DGKI: variants seen among roughly 807,000 people sequenced by gnomAD.
The protein encoded by DGKI is DAG kinase iota.
Under a neutral mutation model 147.5 loss-of-function variants are expected in DGKI, and 55 were observed. The ratio of observed to expected loss-of-function variants is 0.37; its 90% CI spans 0.30 to 0.47. DGKI has a LOEUF of 0.47. Ranked by LOEUF, DGKI falls within the 20% of genes least tolerant of loss-of-function variation. DGKI has a pLI of 1.00. For synonymous variants in DGKI, 469 were observed against 477.1 expected, an observed-to-expected ratio of 0.98 and a Z score of 0.22; for missense variants, 1,007 against 1,323.8, an observed-to-expected ratio of 0.76 and a Z score of 3.71.
chr7:137,400,692 G>C (rs1811721103), intron 30 of DGKI, among the ~76,000 whole-genome samples: 1 of 152,164 alleles, frequency 6.6e-6, no homozygotes, highest in African/African-American at 2.4e-5. Context: ...GCAGCTGACA[G>C]AGGTGAGAGG....
At chr7:137,670,866 G>A (rs1245431650) in intron 3 of DGKI, among the ~76,000 whole-genome samples, 1 of 152,206 alleles carries the variant, frequency 6.6e-6, no homozygotes, top group Non-Finnish European at 1.5e-5. Context: ...TGACAGAGCA[G>A]GAGCAACATG....
intron 21 of DGKI, among the ~76,000 whole-genome samples, chr7:137,502,000 A>C (rs532284916): frequency 3.9e-5 from 6 of 152,284 alleles, no homozygotes; most frequent in Non-Finnish European, 8.8e-5. Context: ...GTTTGCCTGC[A>C]CAAGCCCTCT....
At chr7:137,806,098 G>A (rs957310114) in intron 1 of DGKI, among the ~76,000 whole-genome samples, 8 of 152,142 alleles carry the variant, frequency 5.3e-5, no homozygotes, top group Non-Finnish European at 8.8e-5. Context: ...TCCACTCACC[G>A]TGCCCATCCT....
intron 2 of DGKI, among the ~76,000 whole-genome samples, chr7:137,679,534 G>A (rs968090072): frequency 1.3e-5 from 2 of 151,954 alleles, no homozygotes; most frequent in Admixed American, 6.6e-5. Context: ...GCTCTGAGCT[G>A]TTAGGGAAAG....
chr7:137,453,009 C>T (rs1383219558), intron 27 of DGKI: 3 of 152,342 alleles, frequency 2.0e-5, no homozygotes, highest in East Asian at 3.9e-4. Context: ...CGAATGAAAA[C>T]CGATTTCCCA....
At chr7:137,562,333 C>A (rs994192783) in intron 19 of DGKI, among the ~76,000 whole-genome samples, 3 of 152,066 alleles carry the variant, frequency 2.0e-5, no homozygotes, top group Non-Finnish European at 4.4e-5. Flanking sequence ...GTCAGGAGTT[C>A]GAGACCAGCC....
At chr7:137,471,393 G>A (rs946551921) in intron 23 of DGKI, among the ~76,000 whole-genome samples, 5 of 152,162 alleles carry the variant, frequency 3.3e-5, no homozygotes, top group African/African-American at 1.2e-4. Context: ...GAATAACATA[G>A]AAGAAGTAAT....
intron 6 of DGKI, among the ~76,000 whole-genome samples, chr7:137,630,568 G>A (rs576462093): frequency 6.6e-6 from 1 of 152,188 alleles, no homozygotes; most frequent in Admixed American, 6.5e-5. Flanking sequence ...CTTCATTTCA[G>A]AAGCAGATGC....
At chr7:137,722,970 C>G (rs1794613012) in intron 1 of DGKI, 5 of 567,606 alleles carry the variant, frequency 8.8e-6, no homozygotes, top group Non-Finnish European at 1.5e-5. Flanking sequence ...AGTTACCTAT[C>G]CTGAGATAAA....
intron 1 of DGKI, among the ~76,000 whole-genome samples, chr7:137,764,323 C>A (rs769430307): frequency 7.9e-5 from 12 of 152,166 alleles, no homozygotes; most frequent in Non-Finnish European, 1.2e-4. Flanking sequence ...TCAGAAGGAA[C>A]TTTTACATTG....
chr7:137,408,291 C>T (rs1812035984), intron 29 of DGKI, among the ~76,000 whole-genome samples: 2 of 152,194 alleles, frequency 1.3e-5, no homozygotes, highest in South Asian at 4.1e-4. Flanking sequence ...TATGGTCTCT[C>T]TCTCGAAGGA....
chr7:137,617,123 CCA>C (rs1491188078), intron 8 of DGKI, among the ~76,000 whole-genome samples: 1 of 58,442 alleles, frequency 1.7e-5, no homozygotes. Context: ...ATCCCTTTTA[CCA>C]AAAAAAAAAA....
intron 1 of DGKI, among the ~76,000 whole-genome samples, chr7:137,781,530 G>A (rs1796518543): frequency 6.6e-6 from 1 of 152,160 alleles, no homozygotes; most frequent in Non-Finnish European, 1.5e-5. Context: ...ACTGAGGCTA[G>A]CCTAGAGAAG....
chr7:137,506,081 A>G (rs114979601), intron 21 of DGKI, among the ~76,000 whole-genome samples: 2,237 of 152,284 alleles, frequency 0.015, 60 homozygotes, highest in African/African-American at 0.051. Flanking sequence ...TACTCTTACC[A>G]TGCAATCTAG....
chr7:137,706,477 C>A (rs1794027088), intron 1 of DGKI, among the ~76,000 whole-genome samples: 2 of 147,588 alleles, frequency 1.4e-5, no homozygotes, highest in East Asian at 2.0e-4. Context: ...CCAAAACATC[C>A]TTATTTTATT....
chr7:137,691,800 T>TTTTTTTTTTTTG (rs1823615268), intron 1 of DGKI, among the ~76,000 whole-genome samples: 3 of 116,570 alleles, frequency 2.6e-5, no homozygotes, highest in South Asian at 2.6e-4. Context: ...ACCTTTGGGT[T>TTTTTTTTTTTTG]TTTTTTTTTT....
intron 12 of DGKI, among the ~76,000 whole-genome samples, chr7:137,588,641 G>A (rs961121551): frequency 6.6e-5 from 10 of 151,786 alleles, no homozygotes; most frequent in African/African-American, 2.4e-4. Flanking sequence ...CACGCCGGGC[G>A]AATTTTTTGT....
In DGKI at chr7:137,697,573, C is replaced by G. The variant is rs185231140; in HGVS notation, c.402-7571G>C. Among the ~76,000 whole-genome samples the G allele has an allele frequency of 2.2e-3, 332 of 152,298 alleles. 1 individual carries two copies. Among genetic ancestry groups the G allele is most frequent in the African/African-American group, 7.6e-3 (314 of 41,580 alleles). On this transcript the variant is annotated intron_variant, in intron 1 of 32. Transcript: ENST00000614521. Reference sequence around the variant, plus strand: ...AAGATCTTAACCTCTGTGGCATTAACTTCTCTTTCGGTCTATAAAATCATA... The same window carrying G: ...AAGATCTTAACCTCTGTGGCATTAAGTTCTCTTTCGGTCTATAAAATCATA...
chr7:137,699,916 G>T (rs1252558109), intron 1 of DGKI, among the ~76,000 whole-genome samples: 1 of 152,136 alleles, frequency 6.6e-6, no homozygotes, highest in African/African-American at 2.4e-5. Context: ...GGCTATCTGT[G>T]TTCTCAGAAG....
Sources: allele counts gnomAD v4.1 joint callset (sites outside exome capture counted in the v4.1 genomes callset), GRCh38; gene constraint gnomAD v4.1.1; transcripts MANE v1.5; gene names NCBI Gene and HGNC (gene_info 2026-07-23, HGNC 2026-07-21).